Variants in ABCC11 observed in about 807,000 individuals in gnomAD.
ABCC11 encodes the protein ATP binding cassette subfamily C member 11.
Under a neutral mutation model 149.3 loss-of-function variants are expected in ABCC11, and 135 were observed. The observed-to-expected ratio is 0.90, with a 90% CI of 0.79 to 1.04. The LOEUF is 1.04. ABCC11 is among the 50% of genes least tolerant of loss of function. The pLI, the probability that ABCC11 is intolerant of heterozygous loss-of-function variation, is 0.00. For missense variants in ABCC11, 1,680 were observed against 1,722.1 expected, an observed-to-expected ratio of 0.98 and a Z score of 0.43; for synonymous variants, 665 against 671.4, an observed-to-expected ratio of 0.99 and a Z score of 0.15.
intron 13 of ABCC11, among the ~76,000 whole-genome samples, chr16:48,203,518 T>C (rs1324855947): frequency 1.3e-5 from 2 of 152,316 alleles, no homozygotes; most frequent in East Asian, 1.9e-4. Context: ...AATAAAAAGA[T>C]GCAATAAAAA....
chr16:48,173,263 T>C (rs1965831558), intron 26 of ABCC11, among the ~76,000 whole-genome samples: 1 of 152,152 alleles, frequency 6.6e-6, no homozygotes, highest in African/African-American at 2.4e-5. Context: ...CATTTCTTTC[T>C]ACAGAAAGAG....
At chr16:48,170,277 C>G in intron 27 of ABCC11, 59 bp from the exon 28 acceptor site, 1 of 1,345,520 alleles carries the variant, frequency 7.4e-7, no homozygotes, top group Admixed American at 1.7e-5. Flanking sequence ...TGAGACCCAA[C>G]CTGACCTTGT....
intron 7 of ABCC11, 56 bp downstream of exon 7, chr16:48,216,058 A>G (rs1969318231): frequency 1.3e-6 from 2 of 1,554,584 alleles, no homozygotes; most frequent in Non-Finnish European, 1.8e-6. Flanking sequence ...CCCAGATTCC[A>G]GAGCCCTGGG....
At chr16:48,192,488 C>T (rs773443678) in intron 20 of ABCC11, 32 bp downstream of exon 20, 112 of 1,610,542 alleles carry the variant, frequency 7.0e-5, no homozygotes, top group Non-Finnish European at 9.1e-5. Context: ...CAGAGCTCAG[C>T]CTTCGGCCCC....
At chr16:48,174,526 C>G (rs1347887542) in intron 26 of ABCC11, among the ~76,000 whole-genome samples, 2 of 152,146 alleles carry the variant, frequency 1.3e-5, no homozygotes, top group Non-Finnish European at 2.9e-5. Flanking sequence ...AAGCTTTGTC[C>G]CTGAGTTGAC....
intron 1 of ABCC11, among the ~76,000 whole-genome samples, chr16:48,243,394 T>C (rs1596879036): frequency 8.9e-6 from 1 of 112,854 alleles, no homozygotes; most frequent in Non-Finnish European, 1.7e-5. Flanking sequence ...AGAGCGAGAC[T>C]CCGTCTCAAA....
chr16:48,215,695 G>GT (rs1317841596), intron 7 of ABCC11, among the ~76,000 whole-genome samples: 1 of 152,182 alleles, frequency 6.6e-6, no homozygotes, highest in Admixed American at 6.5e-5. Flanking sequence ...AATCATTTCT[G>GT]TTTTCTCAAT....
At position 48,231,989 on chromosome 16, in the gene ABCC11, A is replaced by C. The variant is rs964443780; in HGVS notation, c.-18-50T>G. 2.6e-5 allele frequency: 42 copies of C among 1,609,596 alleles called. No individual in the cohort carries two copies. The East Asian group carries it at 3.1e-4, about 12-fold the overall frequency. ...ATGAAAAGACAGCAGGAGTTAGAAG[A>C]AGCTTAGATCTCGCCTTGAGCAGCC... On this transcript the variant is annotated intron_variant, in intron 1 of 29. Transcript: ENST00000356608.
At chr16:48,247,217 T>TAAAGAA (rs59629348) in intron 1 of ABCC11, 97 bp downstream of exon 1, 7 of 141,816 alleles carry the variant, frequency 4.9e-5, no homozygotes, top group African/African-American at 1.8e-4. Flanking sequence ...ACACTCTACT[T>TAAAGAA]AAAAAAAAAA....
chr16:48,232,628 T>C (rs11859911), intron 1 of ABCC11, among the ~76,000 whole-genome samples: 19,895 of 152,124 alleles, frequency 0.13, 1,614 homozygotes, highest in African/African-American at 0.23. Flanking sequence ...AGAATATTCA[T>C]GTGCCTGGGA....
chr16:48,176,247 C>T (rs940637659), intron 25 of ABCC11, among the ~76,000 whole-genome samples: 3 of 152,102 alleles, frequency 2.0e-5, no homozygotes, highest in Admixed American at 6.5e-5. Context: ...CATGGGGCTG[C>T]CTGGAGGAGG....
At position 48,215,296 on chromosome 16, in the gene ABCC11, C is replaced by T. The variant is rs1459471305; in HGVS notation, c.1000G>A (p.Val334Ile). The change falls in exon 8 of 30, where the codon GTC becomes ATC. Residue 334 changes from valine to isoleucine, a missense_variant. Transcript: ENST00000356608. ...GTCACACGGATGCGCTGGTCGCTGA[C>T]CTCAGATGTGTGATGCTGAGCCTTC... is the stretch of plus-strand genomic sequence containing the variant. ...AVKAQHHTSEVSDQRIRVTSE... is the reference protein window; with the variant it reads ...AVKAQHHTSEISDQRIRVTSE... The T allele has an allele frequency of 1.3e-5, 21 of 1,614,112 alleles. No homozygotes were observed. The highest frequency in any genetic ancestry group is 1.7e-5 in the Non-Finnish European group (20 of 1,179,986).
In ABCC11 at chr16:48,178,636, T is replaced by A. The variant is rs1373787116; in HGVS notation, c.3309A>T (p.Ala1103=). 9.9e-6 allele frequency: 16 copies of A among 1,614,110 alleles called. No homozygotes were observed. The highest frequency in any genetic ancestry group is 1.4e-5 in the Non-Finnish European group (16 of 1,180,024). ...ATARIGLETE[A]QFTAVERILQ... The stretch of plus-strand genomic sequence containing the variant: ...GTATCCTCTCTACAGCCGTGAACTG[T>A]GCCTCTGTCTCCAAGCCAATCCGGG... The change falls in exon 24 of 30, where the codon GCA becomes GCT. Residue 1103 remains alanine, a synonymous_variant. Transcript: ENST00000356608.
At chr16:48,218,148 T>C (rs2150883639) in intron 6 of ABCC11, among the ~76,000 whole-genome samples, 1 of 152,074 alleles carries the variant, frequency 6.6e-6, no homozygotes, top group East Asian at 1.9e-4. Context: ...AATTAAAAAT[T>C]AGCCAAGCAT....
intron 17 of ABCC11, among the ~76,000 whole-genome samples, chr16:48,197,319 T>C (rs1452762998): frequency 6.6e-6 from 1 of 151,102 alleles, no homozygotes; most frequent in African/African-American, 2.4e-5. Flanking sequence ...CCAAACTCTG[T>C]CTAAAAAAAA....
intron 12 of ABCC11, among the ~76,000 whole-genome samples, chr16:48,207,309 T>C (rs935423776): frequency 6.6e-6 from 1 of 152,014 alleles, no homozygotes; most frequent in Non-Finnish European, 1.5e-5. Context: ...GCTTTTAGTG[T>C]TCGTTATAAG....
At chr16:48,170,770 G>T in intron 27 of ABCC11, 119 bp downstream of exon 27, 8 of 884,276 alleles carry the variant, frequency 9.0e-6, no homozygotes, top group Non-Finnish European at 1.4e-5. Context: ...TCCATGAGAT[G>T]ATGCATCCAT....
At chr16:48,175,523 T>A in intron 25 of ABCC11, 106 bp from the exon 26 acceptor site, 1 of 1,331,894 alleles carries the variant, frequency 7.5e-7, no homozygotes, top group South Asian at 1.5e-5. Flanking sequence ...CCGTGGCCCA[T>A]TCTTCATCAC....
At chr16:48,232,204 T>A in intron 1 of ABCC11, 1 of 505,900 alleles carries the variant, frequency 2.0e-6, no homozygotes. Flanking sequence ...GCACCCTTGA[T>A]CCTGGGCAAT....
Sources: gnomAD v4.1 joint callset for allele counts (sites outside exome capture counted in the v4.1 genomes callset) on GRCh38, gnomAD v4.1.1 for gene constraint, MANE v1.5 for transcripts, NCBI Gene and HGNC (gene_info 2026-07-23, HGNC 2026-07-21) for gene names.